The following BUB3 variants were observed in gnomAD, a reference collection of about 807,000 sequenced individuals.
BUB3 encodes the protein BUB3 mitotic checkpoint protein.
A neutral mutation model predicts 39.9 loss-of-function variants in BUB3; 22 were observed. The observed-to-expected ratio is 0.55, with a 90% CI of 0.39 to 0.79. The LOEUF (loss-of-function observed/expected upper bound fraction) is 0.79, where lower values mean the gene tolerates loss of function less well. Ranked by LOEUF, BUB3 falls within the 30% of genes least tolerant of loss-of-function variation. The pLI, the probability that BUB3 is intolerant of heterozygous loss-of-function variation, is 0.00. For missense variants in BUB3, 303 were observed against 415.4 expected, an observed-to-expected ratio of 0.73 and a Z score of 2.35; for synonymous variants, 168 against 155.1, an observed-to-expected ratio of 1.08 and a Z score of -0.62.
chr10:123,162,453 T>A (rs1284434894), intron 6 of BUB3, 40 bp downstream of exon 6: 1 of 1,591,572 alleles, frequency 6.3e-7, no homozygotes, highest in Non-Finnish European at 8.5e-7. Flanking sequence ...ATTATTATAC[T>A]ATTTGGTGCT....
In BUB3 at chr10:123,166,995, C is replaced by T. The variant is rs1171037532; in HGVS notation, c.*3160C>T. 1.3e-5 allele frequency: 2 copies of T among 152,238 alleles called. No individual in the cohort carries two copies. Among genetic ancestry groups the T allele is most frequent in the Non-Finnish European group, 2.9e-5 (2 of 68,042 alleles). 9.4% of individuals were successfully genotyped at this position (152,238 alleles called of 1,614,324 possible). A position where few individuals can be genotyped will look rare whatever the true frequency, so the allele number is the denominator to read the frequency against. On this transcript the variant is annotated 3_prime_UTR_variant, in exon 8 of 8. Transcript: ENST00000368865. The stretch of plus-strand genomic sequence containing the variant: ...AAAGGTATCTTCTATACCCTAATAA[C>T]ACTAGCTTCCTTCCCTCAGTGGGGA...
chr10:123,163,708 G>A, intron 7 of BUB3, 112 bp from the exon 8 acceptor site: 1 of 920,426 alleles, frequency 1.1e-6, no homozygotes. Context: ...CTTAGCATGT[G>A]AAGCCTGTTG....
At position 123,165,134 on chromosome 10, in the gene BUB3, G is replaced by A; in HGVS notation, c.*1299G>A. ...TACATGCTTATTCCTTAAGGGATGT[G>A]TTAGAGTTACTGTGGATTTCTCTGT... On this transcript the variant is annotated 3_prime_UTR_variant, in exon 8 of 8. Coordinates refer to ENST00000368865, the MANE Select transcript of BUB3 (RefSeq NM_004725.4). 2.0e-6 allele frequency: 3 copies of A among 1,493,640 alleles called. No individual in the cohort carries two copies. Among genetic ancestry groups the A allele is most frequent in the South Asian group, 1.1e-5 (1 of 87,672 alleles). The allele number at this position is 1,493,640 out of a possible 1,614,324, so 92.5% of individuals were successfully genotyped here. A position where few individuals can be genotyped will look rare whatever the true frequency, so the allele number is the denominator to read the frequency against.
intron 7 of BUB3, 92 bp from the exon 8 acceptor site, chr10:123,163,728 C>T: frequency 1.7e-6 from 2 of 1,142,872 alleles, no homozygotes; most frequent in Non-Finnish European, 1.3e-6. Context: ...GGATAAAGGG[C>T]TGTGTTTGCA....
chr10:123,159,064 A>T (rs1452481733), intron 4 of BUB3, among the ~76,000 whole-genome samples: 1 of 152,220 alleles, frequency 6.6e-6, no homozygotes, highest in Non-Finnish European at 1.5e-5. Flanking sequence ...TACTTTATAC[A>T]TCTTAATTTT....
intron 4 of BUB3, 75 bp from the exon 5 acceptor site, chr10:123,160,332 G>GGACTTTA: frequency 7.4e-7 from 1 of 1,350,882 alleles, no homozygotes; most frequent in Non-Finnish European, 9.9e-7. Context: ...ATGATCAGAT[G>GGACTTTA]GACTTTATTT....
intron 3 of BUB3, among the ~76,000 whole-genome samples, 178 bp from the exon 4 acceptor site, chr10:123,157,551 G>A (rs549607646): frequency 6.6e-6 from 1 of 152,326 alleles, no homozygotes; most frequent in South Asian, 2.1e-4. Context: ...AGAGAGGAAC[G>A]GATAACTTTG....
rs781224501 is a variant in BUB3, at chr10:123,162,185, T to A, written c.577-51T>A. 3 of 1,551,782 alleles carry A rather than the reference T, an allele frequency of 1.9e-6. No homozygotes were observed. The African/African-American group carries it at 4.1e-5, about 21-fold the overall frequency. On this transcript the variant is annotated intron_variant, in intron 5 of 7. Transcript: ENST00000368865. ...GTTGAATTTGGGAATTAGCACCTTG[T>A]TTTTGGAAGCTGGAATTTACCATTT...
chr10:123,164,592 G>A lies in BUB3; in HGVS notation c.*757G>A, dbSNP rs1844464859. On this transcript the variant is annotated 3_prime_UTR_variant, in exon 8 of 8. Transcript: ENST00000368865. ...TTGGAAAAATAATTGTAACGTAATT[G>A]CAGTGCATTTAGACAGGCATCTATT... 1 of 988,144 alleles carries A rather than the reference G, an allele frequency of 1.0e-6. No homozygotes were observed. Among genetic ancestry groups the A allele is most frequent in the Non-Finnish European group, 1.2e-6 (1 of 831,826 alleles). 61.2% of individuals were successfully genotyped at this position (988,144 alleles called of 1,614,324 possible).
At chr10:123,154,713 G>C in intron 1 of BUB3, 1 of 564,950 alleles carries the variant, frequency 1.8e-6, no homozygotes, top group Non-Finnish European at 3.0e-6. Flanking sequence ...GGCGGTGCGG[G>C]CTGGGCCGGT....
intron 4 of BUB3, among the ~76,000 whole-genome samples, chr10:123,158,435 T>C (rs761351838): frequency 5.9e-5 from 9 of 152,248 alleles, no homozygotes; most frequent in Admixed American, 2.0e-4. Context: ...ACCAAAACTT[T>C]GTGTATTATT....
rs1844504153 is a variant in BUB3 at position 123,167,251 on chromosome 10, A to G, written c.*3416A>G. 6.6e-6 allele frequency: 1 copy of G among 152,156 alleles called. No individual in the cohort carries two copies. Among genetic ancestry groups the G allele is most frequent in the South Asian group, 2.1e-4 (1 of 4,832 alleles). 9.4% of individuals were successfully genotyped at this position (152,156 alleles called of 1,614,324 possible). A position where few individuals can be genotyped will look rare whatever the true frequency, so the allele number is the denominator to read the frequency against. ...CTCCGACGCTTGTGTTGATTCCCAA[A>G]TCTCAGTCTGCCCAGGGTCATTCTC... On this transcript the variant is annotated 3_prime_UTR_variant, in exon 8 of 8. Transcript: ENST00000368865.
At position 123,164,829 on chromosome 10, in the gene BUB3, C is replaced by G. The variant is rs531321327; in HGVS notation, c.*994C>G. On this transcript the variant is annotated 3_prime_UTR_variant, in exon 8 of 8. Transcript: ENST00000368865. ...TTAGCTTGGCCTATTCTAGGTAGTT[C>G]CAAATAGTATTTTTGTTGTCAAACT... The G allele has an allele frequency of 3.2e-4, 438 of 1,349,086 alleles. 6 individuals carry two copies. The South Asian group carries it at 7.9e-3, about 24-fold the overall frequency. 83.6% of individuals were successfully genotyped at this position (1,349,086 alleles called of 1,614,324 possible). A position where few individuals can be genotyped will look rare whatever the true frequency, so the allele number is the denominator to read the frequency against.
In BUB3 at chr10:123,169,639, G is replaced by A. The variant is rs1844527633; in HGVS notation, c.*5804G>A. On this transcript the variant is annotated 3_prime_UTR_variant, in exon 8 of 8. Transcript: ENST00000368865. ...GTGGGCAGAAATTCCTTGTTCGAGAGCCTTCTGGTTATACTTTAAAAAGAA... is the reference window on the plus strand; with the variant it reads ...GTGGGCAGAAATTCCTTGTTCGAGAACCTTCTGGTTATACTTTAAAAAGAA... 6.6e-6 allele frequency: 1 copy of A among 152,192 alleles called. No homozygotes were observed. Among genetic ancestry groups the A allele is most frequent in the African/African-American group, 2.4e-5 (1 of 41,448 alleles). 9.4% of individuals were successfully genotyped at this position (152,192 alleles called of 1,614,324 possible).
At position 123,155,027 on chromosome 10, in the gene BUB3, C is replaced by G; in HGVS notation, c.110C>G (p.Thr37Arg). The G allele has an allele frequency of 6.2e-7, 1 of 1,614,200 alleles. No individual in the cohort carries two copies. Among genetic ancestry groups the G allele is most frequent in the South Asian group, 1.1e-5 (1 of 91,086 alleles). Residue 37 changes from threonine (T) to arginine (R), a missense_variant, in exon 2 of 8, where the codon ACG becomes AGG. Physicochemically the swap from Thr to Arg is moderately conservative, Grantham distance 71 (BLOSUM62 -1). This residue lies in a region of BUB3 where 121 missense variants were observed against 122.3 expected (regional missense o/e 0.99). Coordinates refer to ENST00000368865, the MANE Select transcript of BUB3 (RefSeq NM_004725.4). ...SQFLLVSSWD[T>R]SVRLYDVPAN... The stretch of plus-strand genomic sequence containing the variant: ...TTCCTGCTTGTCTCCTCCTGGGACA[C>G]GTCCGTGCGTCTCTACGATGTGCCG...
chr10:123,162,121 T>C, intron 5 of BUB3, 115 bp from the exon 6 acceptor site: 1 of 931,516 alleles, frequency 1.1e-6, no homozygotes, highest in South Asian at 1.6e-5. Flanking sequence ...TAAAGCCTGC[T>C]GTACTTCTCA....
rs1446394667 is a variant in BUB3 at position 123,167,664 on chromosome 10, T to A, written c.*3829T>A. On this transcript the variant is annotated 3_prime_UTR_variant, in exon 8 of 8. Transcript: ENST00000368865. Reference sequence around the variant, plus strand: ...ACAGGTGACCTTTGGCTTTGTTCATTAAGCATTTAGTGTCTTAGAAGTGAT... The same window carrying A: ...ACAGGTGACCTTTGGCTTTGTTCATAAAGCATTTAGTGTCTTAGAAGTGAT... 1 of 152,208 alleles carries A rather than the reference T, an allele frequency of 6.6e-6. No homozygotes were observed. Among genetic ancestry groups the A allele is most frequent in the Non-Finnish European group, 1.5e-5 (1 of 68,038 alleles). 9.4% of individuals were successfully genotyped at this position (152,208 alleles called of 1,614,324 possible).
chr10:123,159,127 T>C (rs1316844803), intron 4 of BUB3, among the ~76,000 whole-genome samples: 4 of 152,238 alleles, frequency 2.6e-5, no homozygotes, highest in Non-Finnish European at 4.4e-5. Flanking sequence ...AATCTTAACA[T>C]TTCTGACATT....
In BUB3 at chr10:123,164,261, G is replaced by A; in HGVS notation, c.*426G>A. The A allele has an allele frequency of 1.0e-6, 1 of 988,062 alleles. No homozygotes were observed. Among genetic ancestry groups the A allele is most frequent in the Non-Finnish European group, 1.2e-6 (1 of 831,922 alleles). 61.2% of individuals were successfully genotyped at this position (988,062 alleles called of 1,614,324 possible). ...GGTTATAGTTGCTAATTCTAAAGCTGCTTCAGACTGCTTCATGAGGAGGTT... is the reference window on the plus strand; with the variant it reads ...GGTTATAGTTGCTAATTCTAAAGCTACTTCAGACTGCTTCATGAGGAGGTT... On this transcript the variant is annotated 3_prime_UTR_variant, in exon 8 of 8. Coordinates refer to ENST00000368865, the MANE Select transcript of BUB3 (RefSeq NM_004725.4).
Sources: allele counts gnomAD v4.1 joint callset (sites outside exome capture counted in the v4.1 genomes callset), GRCh38; gene constraint gnomAD v4.1.1; regional missense constraint gnomAD v4.1.1; transcripts MANE v1.5; gene names NCBI Gene and HGNC (gene_info 2026-07-23, HGNC 2026-07-21).